AK9: variants seen among roughly 807,000 people sequenced by gnomAD.
AK9 encodes adenylate kinase domain containing 1.
Under a neutral mutation model 239.6 loss-of-function variants are expected in AK9, and 191 were observed. That is an observed-to-expected ratio of 0.80 (90% confidence interval 0.71 to 0.90). The LOEUF (loss-of-function observed/expected upper bound fraction) is 0.90, where lower values mean the gene tolerates loss of function less well. Among genes scored for constraint, AK9 ranks in the 40% least tolerant of loss-of-function variants. The pLI is 0.00. For synonymous variants in AK9, 689 were observed against 721.0 expected (o/e 0.96, Z 0.71); for missense variants, 1,995 against 2,214.7 (o/e 0.90, Z 1.99).
intron 27 of AK9, among the ~76,000 whole-genome samples, chr6:109,536,304 C>G (rs143316869): frequency 0.21 from 31,578 of 152,048 alleles, 3,457 homozygotes; most frequent in South Asian, 0.34. Context: ...TTGTAGTTCT[C>G]CTTGAAGAGG....
At chr6:109,671,749 G>A (rs545396567) in intron 5 of AK9, among the ~76,000 whole-genome samples, 170 bp downstream of exon 5, 2 of 152,100 alleles carry the variant, frequency 1.3e-5, no homozygotes, top group African/African-American at 2.4e-5. Context: ...TACAATCTGA[G>A]AAATAAAAAC....
chr6:109,621,921 AAACAGAAAGAG>A (rs1562506623), intron 12 of AK9, among the ~76,000 whole-genome samples: 3 of 118,768 alleles, frequency 2.5e-5, no homozygotes, highest in Admixed American at 9.1e-5. Context: ...AACAAAAAAA[AAACAGAAAGAG>A]AAATTCCAGA....
In AK9 at chr6:109,539,335, C is replaced by G. The variant is rs376298194; in HGVS notation, c.3350+2712G>C. On this transcript the variant is annotated intron_variant, in intron 27 of 40. Coordinates refer to ENST00000424296, the MANE Select transcript of AK9 (RefSeq NM_001145128.3). Reference sequence around the variant, plus strand: ...TCTTTTTTCTCTAATCTTCTCTTCTCGCTTCATTTCATTCATTTGATCTTC... The same window carrying G: ...TCTTTTTTCTCTAATCTTCTCTTCTGGCTTCATTTCATTCATTTGATCTTC... Among the ~76,000 whole-genome samples, 4 of 152,286 alleles carry G rather than the reference C, an allele frequency of 2.6e-5. No individual in the cohort carries two copies. In the East Asian group the frequency reaches 7.7e-4, roughly 29 times the overall value.
At chr6:109,524,848 G>A (rs544251300) in intron 29 of AK9, among the ~76,000 whole-genome samples, 63 of 152,214 alleles carry the variant, frequency 4.1e-4, no homozygotes, top group South Asian at 8.3e-4. Flanking sequence ...ACAGTTCTAA[G>A]GTTTTTACAA....
intron 35 of AK9, among the ~76,000 whole-genome samples, chr6:109,501,735 C>T (rs1368219044): frequency 6.6e-6 from 1 of 152,108 alleles, no homozygotes; most frequent in African/African-American, 2.4e-5. Context: ...AATTAGAATC[C>T]CCAACTCAAC....
rs533634636 is a variant in AK9, at chr6:109,529,925, T to A, written c.3571-852A>T. 1.1e-4 allele frequency among the ~76,000 whole-genome samples: 16 copies of A among 152,266 alleles called. No individual in the cohort carries two copies. The South Asian group carries it at 1.5e-3, about 14-fold the overall frequency. On this transcript the variant is annotated intron_variant, in intron 28 of 40. Coordinates refer to ENST00000424296, the MANE Select transcript of AK9 (RefSeq NM_001145128.3). ...TCCTGCTGTGTGGCCTGGTTCCTCA[T>A]AGGCCACAGACTGGTATCCATCCAT...
chr6:109,666,504 T>C (rs1314392001), intron 5 of AK9, among the ~76,000 whole-genome samples: 3 of 152,166 alleles, frequency 2.0e-5, no homozygotes. Flanking sequence ...ACTTTGCATG[T>C]TCTATCATAG....
chr6:109,668,422 T>A (rs1021034978), intron 5 of AK9, among the ~76,000 whole-genome samples: 1 of 152,072 alleles, frequency 6.6e-6, no homozygotes, highest in South Asian at 2.1e-4. Context: ...TTTGTCAATT[T>A]TGACTTTTGT....
At chr6:109,598,377 T>C (rs1411183540) in intron 17 of AK9, among the ~76,000 whole-genome samples, 1 of 152,196 alleles carries the variant, frequency 6.6e-6, no homozygotes, top group African/African-American at 2.4e-5. Context: ...TCCAGCTTCA[T>C]CCATGTCCCT....
intron 20 of AK9, among the ~76,000 whole-genome samples, chr6:109,575,530 A>T (rs114816243): frequency 6.7e-6 from 1 of 150,330 alleles, no homozygotes; most frequent in Admixed American, 6.6e-5. Flanking sequence ...TGGGATTATT[A>T]TTTTTTTTTC....
At position 109,679,362 on chromosome 6, in the gene AK9, G is replaced by A. The variant is rs188575720; in HGVS notation, c.-11-3606C>T. On this transcript the variant is annotated intron_variant, in intron 1 of 40. Transcript: ENST00000424296. ...GGGGAAGTTCCCTCCTCCCACCCCC[G>A]CAGCTCAGCAAAGCCTCTGTAGCCA... 3.8e-3 allele frequency among the ~76,000 whole-genome samples: 448 copies of A among 117,184 alleles called. 1 individual carries two copies. Among genetic ancestry groups the A allele is most frequent in the African/African-American group, 0.016 (430 of 26,160 alleles). The allele number at this position is 117,184 out of a possible 152,430, so 76.9% of individuals were successfully genotyped here.
At position 109,509,377 on chromosome 6, in the gene AK9, G is replaced by T. The variant is rs1385696916; in HGVS notation, c.4283C>A (p.Ala1428Asp). The change falls in exon 33 of 41, where the codon GCC (alanine) becomes GAC (aspartate). Residue 1428 changes from alanine (A) to aspartate (D), a missense_variant. This residue lies in a region of AK9 where 1,290 missense variants were observed against 1,392.7 expected (regional missense o/e 0.93). Coordinates refer to ENST00000424296, the MANE Select transcript of AK9 (RefSeq NM_001145128.3). ...CCCATATTCACTTGTAATTTTTTTG[G>T]CAACTGAAAAACATAAAACTTTTAA... ...GPPKSGKTTV[A>D]KKITSEYGLK... 1 of 1,547,922 alleles carries T rather than the reference G, an allele frequency of 6.5e-7. No homozygotes were observed. Among genetic ancestry groups the T allele is most frequent in the Admixed American group, 2.0e-5 (1 of 49,914 alleles).
At chr6:109,574,755 G>T (rs1396552886) in intron 20 of AK9, among the ~76,000 whole-genome samples, 1 of 151,824 alleles carries the variant, frequency 6.6e-6, no homozygotes, top group Non-Finnish European at 1.5e-5. Context: ...GTGGTGTTTT[G>T]TTCCATGGAA....
intron 5 of AK9, among the ~76,000 whole-genome samples, chr6:109,662,918 T>C (rs1239006761): frequency 6.6e-6 from 1 of 152,108 alleles, no homozygotes; most frequent in Non-Finnish European, 1.5e-5. Context: ...CAATTTATTT[T>C]AGACAGATGA....
chr6:109,565,810 C>T (rs1052948128), intron 21 of AK9, among the ~76,000 whole-genome samples: 1 of 152,070 alleles, frequency 6.6e-6, no homozygotes, highest in Non-Finnish European at 1.5e-5. Context: ...TATACACACA[C>T]ACATTCTGCA....
In AK9 at chr6:109,615,863, C is replaced by T. The variant is rs1198458914; in HGVS notation, c.1400-1383G>A. Among the ~76,000 whole-genome samples, 6 of 152,016 alleles carry T rather than the reference C, an allele frequency of 3.9e-5. No individual in the cohort carries two copies. In the East Asian group the frequency reaches 5.8e-4, roughly 15 times the overall value. On this transcript the variant is annotated intron_variant, in intron 13 of 40. Coordinates refer to ENST00000424296, the MANE Select transcript of AK9 (RefSeq NM_001145128.3). ...TCTGACAAATAGAGAACATCTCCCC[C>T]GCTCAACTATAAACCAGTCACACCT... is the stretch of plus-strand genomic sequence containing the variant.
chr6:109,598,703 A>G (rs960603505), intron 17 of AK9, among the ~76,000 whole-genome samples: 26 of 152,258 alleles, frequency 1.7e-4, no homozygotes, highest in East Asian at 1.5e-3. Context: ...GTGTAAAAGC[A>G]TTCCTATTTC....
At chr6:109,521,292 G>C (rs995430500) in intron 29 of AK9, among the ~76,000 whole-genome samples, 2 of 152,052 alleles carry the variant, frequency 1.3e-5, no homozygotes, top group African/African-American at 2.4e-5. Flanking sequence ...TGCCAGTGAT[G>C]ATGAGGAATT....
chr6:109,499,112 C>G lies in AK9; in HGVS notation c.4978G>C (p.Asp1660His). The G allele has an allele frequency of 6.2e-7, 1 of 1,607,600 alleles. No homozygotes were observed. Among genetic ancestry groups the G allele is most frequent in the Non-Finnish European group, 8.5e-7 (1 of 1,176,758 alleles). Reference protein sequence around the residue: ...SQELFDCSATDSLEFAAEFRG... With the variant: ...SQELFDCSATHSLEFAAEFRG... ...AACTCTGCTGCAAATTCCAAGGAGT[C>G]AGTTGCAGAGCAATCAAATAATTCC... The change falls in exon 36 of 41, where the codon GAC (aspartate) becomes CAC (histidine). Residue 1660 changes from aspartate to histidine, a missense_variant. Asp to His is a moderately conservative substitution (Grantham distance 81). Transcript: ENST00000424296.
Sources: gnomAD v4.1 joint callset for allele counts (sites outside exome capture counted in the v4.1 genomes callset) on GRCh38, gnomAD v4.1.1 for gene constraint, gnomAD v4.1.1 regional missense constraint, MANE v1.5 for transcripts, NCBI Gene and HGNC (gene_info 2026-07-23, HGNC 2026-07-21) for gene names.